KCNH7: variants seen among roughly 807,000 people sequenced by gnomAD.
KCNH7 encodes voltage-gated inwardly rectifying potassium channel KCNH7.
In KCNH7, 49 loss-of-function variants were observed where a neutral mutation model predicts 120.8. The ratio of observed to expected loss-of-function variants is 0.41; its 90% CI spans 0.32 to 0.51. The LOEUF (loss-of-function observed/expected upper bound fraction) is 0.51. Ranked by LOEUF, KCNH7 falls within the 20% of genes least tolerant of loss-of-function variation. The pLI, the probability that KCNH7 is intolerant of heterozygous loss-of-function variation, is 0.38. For missense variants in KCNH7, 1,097 were observed against 1,446.6 expected, an observed-to-expected ratio of 0.76 and a Z score of 3.92; for synonymous variants, 547 against 516.1, an observed-to-expected ratio of 1.06 and a Z score of -0.81.
intron 2 of KCNH7, among the ~76,000 whole-genome samples, chr2:162,707,931 T>A (rs937932274): frequency 6.6e-6 from 1 of 152,050 alleles, no homozygotes; most frequent in African/African-American, 2.4e-5. Flanking sequence ...ATCTAAACTT[T>A]ATTCAAATAT....
chr2:162,829,374 A>G (rs1685393870), intron 2 of KCNH7, among the ~76,000 whole-genome samples: 1 of 152,194 alleles, frequency 6.6e-6, no homozygotes, highest in Admixed American at 6.6e-5. Context: ...TTCATTACTG[A>G]TTAAGAATTT....
At chr2:162,692,909 G>T (rs1289725045) in intron 2 of KCNH7, among the ~76,000 whole-genome samples, 1 of 152,056 alleles carries the variant, frequency 6.6e-6, no homozygotes, top group Non-Finnish European at 1.5e-5. Flanking sequence ...AGAAGTTAAT[G>T]CTGGGATTCC....
chr2:162,782,827 T>C lies in KCNH7; in HGVS notation c.307+53710A>G, dbSNP rs576718325. Among the ~76,000 whole-genome samples the C allele has an allele frequency of 2.6e-4, 39 of 152,310 alleles. No homozygotes were observed. The South Asian group carries it at 4.8e-3, about 19-fold the overall frequency. Reference sequence around the variant, plus strand: ...CAATAGCCTGTAGGATGGAGCACTGTATATCTGGTTAAGCTGGAAATCATG... The same window carrying C: ...CAATAGCCTGTAGGATGGAGCACTGCATATCTGGTTAAGCTGGAAATCATG... On this transcript the variant is annotated intron_variant, in intron 2 of 15. Coordinates refer to ENST00000332142, the MANE Select transcript of KCNH7 (RefSeq NM_033272.4).
intron 5 of KCNH7, among the ~76,000 whole-genome samples, chr2:162,508,239 T>C (rs1024338363): frequency 1.3e-5 from 2 of 151,372 alleles, no homozygotes; most frequent in East Asian, 3.9e-4. Context: ...AAATTTGGCC[T>C]CAGAATTTGC....
intron 2 of KCNH7, among the ~76,000 whole-genome samples, chr2:162,834,200 T>G (rs1685573200): frequency 6.6e-6 from 1 of 152,110 alleles, no homozygotes; most frequent in South Asian, 2.1e-4. Context: ...AGTTGTCATA[T>G]AAATAAAACC....
chr2:162,732,271 G>T (rs1687758444), intron 2 of KCNH7, among the ~76,000 whole-genome samples: 1 of 152,150 alleles, frequency 6.6e-6, no homozygotes, highest in Non-Finnish European at 1.5e-5. Context: ...TGACGTGACA[G>T]CCTCTGATGC....
In KCNH7 at chr2:162,519,597, T is replaced by C. The variant is rs1691446909; in HGVS notation, c.464-1439A>G. On this transcript the variant is annotated intron_variant, in intron 3 of 15. Coordinates refer to ENST00000332142, the MANE Select transcript of KCNH7 (RefSeq NM_033272.4). ...AAAACTAATACAGTAAAACTTCCAC[T>C]CCTCAAAGAACATAAAAACATAGGA... 2.0e-5 allele frequency among the ~76,000 whole-genome samples: 3 copies of C among 151,906 alleles called. No homozygotes were observed. In the South Asian group the frequency reaches 6.2e-4, roughly 31 times the overall value.
At chr2:162,553,515 G>A (rs1350667555) in intron 2 of KCNH7, among the ~76,000 whole-genome samples, 1 of 152,156 alleles carries the variant, frequency 6.6e-6, no homozygotes, top group Non-Finnish European at 1.5e-5. Context: ...GGGGTGTGGT[G>A]GCGGGCGCCT....
At chr2:162,752,692 A>G (rs994921923) in intron 2 of KCNH7, among the ~76,000 whole-genome samples, 2 of 151,648 alleles carry the variant, frequency 1.3e-5, no homozygotes, top group Non-Finnish European at 2.9e-5. Flanking sequence ...TGAGGTCAGG[A>G]GTTCAAGACC....
intron 2 of KCNH7, among the ~76,000 whole-genome samples, chr2:162,788,654 A>G (rs1288653278): frequency 3.3e-5 from 5 of 152,066 alleles, no homozygotes; most frequent in African/African-American, 9.6e-5. Context: ...CCAATTATGT[A>G]TTATTTAAGT....
intron 2 of KCNH7, among the ~76,000 whole-genome samples, chr2:162,568,630 G>A (rs1029183519): frequency 2.0e-5 from 3 of 151,878 alleles, no homozygotes; most frequent in Non-Finnish European, 4.4e-5. Flanking sequence ...ATGACCAGCA[G>A]CCAATGGTAT....
chr2:162,612,732 T>C (rs977495717), intron 2 of KCNH7, among the ~76,000 whole-genome samples: 10 of 151,982 alleles, frequency 6.6e-5, no homozygotes, highest in Admixed American at 5.9e-4. Flanking sequence ...ATAATATACA[T>C]ACATACATTT....
At chr2:162,461,535 G>A (rs1197759391) in intron 6 of KCNH7, among the ~76,000 whole-genome samples, 2 of 152,180 alleles carry the variant, frequency 1.3e-5, no homozygotes, top group Non-Finnish European at 2.9e-5. Context: ...GCTAATTATA[G>A]TTATTGAATG....
intron 9 of KCNH7, among the ~76,000 whole-genome samples, chr2:162,422,819 A>C (rs1256182559): frequency 6.6e-6 from 1 of 152,126 alleles, no homozygotes; most frequent in Non-Finnish European, 1.5e-5. Context: ...AAAATATAGA[A>C]AAAAAATTCT....
At chr2:162,423,305 C>T in intron 9 of KCNH7, 31 bp downstream of exon 9, 1 of 1,613,968 alleles carries the variant, frequency 6.2e-7, no homozygotes, top group South Asian at 1.1e-5. Context: ...ATGCCTGCGG[C>T]ACTTTCATTT....
At chr2:162,800,638 G>A (rs1001539675) in intron 2 of KCNH7, among the ~76,000 whole-genome samples, 1 of 151,752 alleles carries the variant, frequency 6.6e-6, no homozygotes, top group Admixed American at 6.6e-5. Flanking sequence ...TTTTTAAAAA[G>A]GCATTATTCA....
At chr2:162,440,486 T>C (rs1325113156) in intron 7 of KCNH7, among the ~76,000 whole-genome samples, 1 of 152,068 alleles carries the variant, frequency 6.6e-6, no homozygotes, top group Non-Finnish European at 1.5e-5. Flanking sequence ...CATTCAATTA[T>C]TTATCCAATA....
chr2:162,562,966 G>A (rs1421549565), intron 2 of KCNH7, among the ~76,000 whole-genome samples: 5 of 152,140 alleles, frequency 3.3e-5, no homozygotes, highest in Non-Finnish European at 7.3e-5. Context: ...GCCATAGTTC[G>A]AGGATGAGGG....
At chr2:162,655,076 C>G (rs1277242038) in intron 2 of KCNH7, among the ~76,000 whole-genome samples, 1 of 152,012 alleles carries the variant, frequency 6.6e-6, no homozygotes, top group African/African-American at 2.4e-5. Flanking sequence ...TAGGTGACTA[C>G]AGTTAATAAT....
Sources: gnomAD v4.1 joint callset for allele counts (sites outside exome capture counted in the v4.1 genomes callset) on GRCh38, gnomAD v4.1.1 for gene constraint, MANE v1.5 for transcripts, NCBI Gene and HGNC (gene_info 2026-07-23, HGNC 2026-07-21) for gene names.